MAF: variants seen among roughly 807,000 people sequenced by gnomAD.
MAF encodes MAF bZIP transcription factor, also known as transcription factor Maf.
A neutral mutation model predicts 22.0 loss-of-function variants in MAF; 10 were observed. The ratio of observed to expected loss-of-function variants is 0.45; its 90% CI spans 0.28 to 0.77. MAF has a LOEUF of 0.77. MAF is among the 30% of genes least tolerant of loss of function. The pLI, the probability that MAF is intolerant of heterozygous loss-of-function variation, is 0.12. For synonymous variants in MAF, 337 were observed against 255.8 expected (o/e 1.32, Z -3.03); for missense variants, 544 against 548.4 (o/e 0.99, Z 0.08).
chr16:79,438,161 A>G, the MAF span, among the ~76,000 whole-genome samples: 1 of 152,154 alleles, frequency 6.6e-6, no homozygotes. Flanking sequence ...CCCACATGCC[A>G]AGCTACAAGG....
chr16:79,400,608 C>T, the MAF span, among the ~76,000 whole-genome samples: 5 of 152,202 alleles, frequency 3.3e-5, no homozygotes, highest in African/African-American at 7.2e-5. Context: ...ACGGGTTTCC[C>T]AGGAGGCGAA....
At chr16:79,266,263 A>C in the MAF span, among the ~76,000 whole-genome samples, 4 of 152,092 alleles carry the variant, frequency 2.6e-5, no homozygotes, top group African/African-American at 9.7e-5. Context: ...AAAACTTATA[A>C]ATTGTTTATG....
the MAF span, among the ~76,000 whole-genome samples, chr16:79,340,662 A>G: frequency 1.1e-4 from 16 of 151,924 alleles, no homozygotes; most frequent in Admixed American, 2.6e-4. Flanking sequence ...CTCTACCTGG[A>G]AAGTGATAGG....
At chr16:79,235,499 G>C in the MAF span, among the ~76,000 whole-genome samples, 1 of 152,128 alleles carries the variant, frequency 6.6e-6, no homozygotes, top group Non-Finnish European at 1.5e-5. Flanking sequence ...CCAGGAGTTT[G>C]AGGGGCAACC....
the MAF span, among the ~76,000 whole-genome samples, chr16:79,472,075 T>C: frequency 6.6e-6 from 1 of 152,184 alleles, no homozygotes; most frequent in East Asian, 1.9e-4. Context: ...CTCTCTTTCC[T>C]TTGCTCTGGA....
the MAF span, among the ~76,000 whole-genome samples, chr16:79,528,376 C>G: frequency 1.3e-5 from 2 of 152,132 alleles, no homozygotes; most frequent in Non-Finnish European, 2.9e-5. Flanking sequence ...CTGTGAACCA[C>G]CCACACTATC....
chr16:79,268,149 T>C, the MAF span, among the ~76,000 whole-genome samples: 2 of 152,268 alleles, frequency 1.3e-5, no homozygotes, highest in Middle Eastern at 3.4e-3. Context: ...TTGCTTCTGT[T>C]ATGCCCTCCA....
chr16:79,243,192 A>G, the MAF span, among the ~76,000 whole-genome samples: 1 of 152,062 alleles, frequency 6.6e-6, no homozygotes, highest in Non-Finnish European at 1.5e-5. Flanking sequence ...ACAAGAAATA[A>G]CTAAGATGGG....
chr16:79,467,940 G>T, the MAF span, among the ~76,000 whole-genome samples: 10 of 151,850 alleles, frequency 6.6e-5, no homozygotes, highest in East Asian at 5.8e-4. Context: ...TGGTGGTCGT[G>T]GGGGGGTGGT....
At chr16:79,475,534 A>G in the MAF span, among the ~76,000 whole-genome samples, 1 of 152,014 alleles carries the variant, frequency 6.6e-6, no homozygotes, top group Non-Finnish European at 1.5e-5. Flanking sequence ...CGATCTATCT[A>G]TCCATCTGTC....
chr16:79,547,588 A>G, the MAF span, among the ~76,000 whole-genome samples: 1 of 152,100 alleles, frequency 6.6e-6, no homozygotes, highest in Non-Finnish European at 1.5e-5. Flanking sequence ...GCAATATCCT[A>G]TCCTGTATAT....
At chr16:79,258,062 A>G in the MAF span, among the ~76,000 whole-genome samples, 1 of 152,216 alleles carries the variant, frequency 6.6e-6, no homozygotes, top group Admixed American at 6.5e-5. Context: ...ATCGCGTCTC[A>G]GCTGCTTTGC....
the MAF span, among the ~76,000 whole-genome samples, chr16:79,547,708 G>A: frequency 6.6e-6 from 1 of 152,176 alleles, no homozygotes; most frequent in African/African-American, 2.4e-5. Context: ...TTAAAGGCCT[G>A]TGTCATAAGA....
chr16:79,404,355 G>T, the MAF span, among the ~76,000 whole-genome samples: 1 of 151,906 alleles, frequency 6.6e-6, no homozygotes, highest in Non-Finnish European at 1.5e-5. Context: ...GTAGAGACTG[G>T]GTTTCACCAT....
chr16:79,491,933 G>T, the MAF span, among the ~76,000 whole-genome samples: 2 of 152,088 alleles, frequency 1.3e-5, no homozygotes, highest in South Asian at 2.1e-4. Context: ...TAAACAACAG[G>T]TCTCCTCTCC....
chr16:79,512,186 T>G, the MAF span, among the ~76,000 whole-genome samples: 1 of 152,188 alleles, frequency 6.6e-6, no homozygotes, highest in Non-Finnish European at 1.5e-5. Flanking sequence ...CCTCTACCCT[T>G]GGATCTAAGC....
chr16:79,286,293 G>A, the MAF span, among the ~76,000 whole-genome samples: 8 of 152,182 alleles, frequency 5.3e-5, no homozygotes, highest in African/African-American at 1.9e-4. Context: ...TGGAAAATGA[G>A]GTGATGATGC....
At chr16:79,455,850 T>C in the MAF span, among the ~76,000 whole-genome samples, 2 of 152,024 alleles carry the variant, frequency 1.3e-5, no homozygotes, top group African/African-American at 4.8e-5. Context: ...AAACTCTGTC[T>C]CTGACAAAAA....
the MAF span, among the ~76,000 whole-genome samples, chr16:79,259,267 C>T: frequency 9.9e-5 from 15 of 152,138 alleles, no homozygotes; most frequent in African/African-American, 1.4e-4. Flanking sequence ...TTGCCCACTC[C>T]GGGCCTTTGC....
Sources: allele counts gnomAD v4.1 joint callset (sites outside exome capture counted in the v4.1 genomes callset), GRCh38; gene constraint gnomAD v4.1.1; transcripts MANE v1.5; gene names NCBI Gene and HGNC (gene_info 2026-07-23, HGNC 2026-07-21).